ADGRL3: variants seen among roughly 807,000 people sequenced by gnomAD.
The protein encoded by ADGRL3 is adhesion G protein-coupled receptor L3.
Under a neutral mutation model 153.5 loss-of-function variants are expected in ADGRL3, and 62 were observed. That is an observed-to-expected ratio of 0.40 (90% CI 0.33 to 0.50). The LOEUF (loss-of-function observed/expected upper bound fraction) is 0.50. Among genes scored for constraint, ADGRL3 ranks in the 20% least tolerant of loss-of-function variants. The pLI is 0.47. For synonymous variants in ADGRL3, 710 were observed against 672.5 expected, an observed-to-expected ratio of 1.06 and a Z score of -0.86; for missense variants, 1,641 against 1,859.4, an observed-to-expected ratio of 0.88 and a Z score of 2.16.
chr4:61,591,258 A>G (rs1181036031), intron 5 of ADGRL3, among the ~76,000 whole-genome samples: 1 of 152,162 alleles, frequency 6.6e-6, no homozygotes, highest in Non-Finnish European at 1.5e-5. Context: ...GCATTTGTAT[A>G]TACTATATAA....
At chr4:61,764,100 T>TA (rs2152233495) in intron 8 of ADGRL3, among the ~76,000 whole-genome samples, 1 of 152,326 alleles carries the variant, frequency 6.6e-6, no homozygotes, top group East Asian at 1.9e-4. Context: ...TATGTAAATG[T>TA]TCATTTATCT....
intron 1 of ADGRL3, among the ~76,000 whole-genome samples, chr4:61,224,641 A>G (rs1293732737): frequency 6.6e-6 from 1 of 152,226 alleles, no homozygotes; most frequent in Non-Finnish European, 1.5e-5. Context: ...AGGTGCAGAC[A>G]TGAACACACA....
intron 2 of ADGRL3, among the ~76,000 whole-genome samples, chr4:61,436,938 C>T (rs1043922304): frequency 6.6e-6 from 1 of 151,730 alleles, no homozygotes; most frequent in Non-Finnish European, 1.5e-5. Context: ...GATTGATCAG[C>T]CCATAGGTAA....
intron 17 of ADGRL3, among the ~76,000 whole-genome samples, chr4:61,975,289 G>C (rs1371163346): frequency 5.3e-5 from 8 of 152,058 alleles, no homozygotes; most frequent in Admixed American, 5.2e-4. Context: ...GGTGACATTT[G>C]AATAAATAAT....
At chr4:61,543,730 C>T (rs572278794) in intron 4 of ADGRL3, among the ~76,000 whole-genome samples, 3 of 152,266 alleles carry the variant, frequency 2.0e-5, no homozygotes, top group South Asian at 2.1e-4. Flanking sequence ...AAATGCTTCA[C>T]GTTTTTAACC....
At chr4:61,476,259 T>C (rs335330) in intron 2 of ADGRL3, among the ~76,000 whole-genome samples, 143,409 of 152,122 alleles carry the variant, frequency 0.94, 68,181 homozygotes, top group Non-Finnish European at 1. Context: ...GAGAGTCACT[T>C]TGTCGCCCAG....
chr4:61,565,320 A>G (rs1579565564), intron 4 of ADGRL3, among the ~76,000 whole-genome samples: 1 of 152,194 alleles, frequency 6.6e-6, no homozygotes, highest in Non-Finnish European at 1.5e-5. Context: ...GAAAATGTAT[A>G]TATTATTAAT....
At chr4:61,740,603 G>A (rs763726137) in intron 8 of ADGRL3, among the ~76,000 whole-genome samples, 4 of 152,144 alleles carry the variant, frequency 2.6e-5, no homozygotes, top group Non-Finnish European at 5.9e-5. Context: ...ATATTCACGT[G>A]TTTTCCAGTA....
intron 5 of ADGRL3, among the ~76,000 whole-genome samples, chr4:61,647,984 G>A (rs896258780): frequency 1.3e-5 from 2 of 152,028 alleles, no homozygotes; most frequent in South Asian, 2.1e-4. Context: ...GTGGGAAGAC[G>A]TTTTACCTAT....
chr4:61,606,602 T>G (rs1188008057), intron 5 of ADGRL3, among the ~76,000 whole-genome samples: 1 of 152,182 alleles, frequency 6.6e-6, no homozygotes, highest in Non-Finnish European at 1.5e-5. Flanking sequence ...ATGACCTTAT[T>G]TAACCTCGTT....
At chr4:61,786,877 TA>T (rs528917063) in intron 8 of ADGRL3, among the ~76,000 whole-genome samples, 7 of 152,176 alleles carry the variant, frequency 4.6e-5, no homozygotes, top group East Asian at 3.9e-4. Flanking sequence ...ATAGTGGCAA[TA>T]AAAAAATAGA....
intron 1 of ADGRL3, among the ~76,000 whole-genome samples, chr4:61,310,732 G>T (rs990393254): frequency 2.1e-5 from 3 of 145,854 alleles, no homozygotes; most frequent in Non-Finnish European, 3.0e-5. Context: ...TGTAAGATCA[G>T]TTTTTTTTTT....
chr4:61,564,651 C>T lies in ADGRL3; in HGVS notation c.260-22576C>T, dbSNP rs566913979. ...CCTTTACATTCACAACTTGACTGCT[C>T]TTTGACATAGAAGGCCTAGCTTTTG... On this transcript the variant is annotated intron_variant, in intron 4 of 26. Coordinates refer to ENST00000683033, the MANE Select transcript of ADGRL3 (RefSeq NM_001387552.1). 3.9e-5 allele frequency among the ~76,000 whole-genome samples: 6 copies of T among 152,314 alleles called. No homozygotes were observed. In the South Asian group the frequency reaches 6.2e-4, roughly 16 times the overall value.
At chr4:61,815,770 G>A (rs2097681515) in intron 9 of ADGRL3, among the ~76,000 whole-genome samples, 1 of 152,188 alleles carries the variant, frequency 6.6e-6, no homozygotes, top group Non-Finnish European at 1.5e-5. Context: ...AGGCCTAGAG[G>A]AAACTAGGTA....
intron 14 of ADGRL3, 56 bp from the exon 15 acceptor site, chr4:61,935,867 T>C (rs1280214323): frequency 9.4e-6 from 14 of 1,490,980 alleles, no homozygotes. Context: ...TTTAGGAAAT[T>C]ATTGTAGCTT....
intron 8 of ADGRL3, among the ~76,000 whole-genome samples, chr4:61,760,944 G>T (rs1238714830): frequency 6.6e-6 from 1 of 152,188 alleles, no homozygotes; most frequent in African/African-American, 2.4e-5. Flanking sequence ...TTCTAAGGAC[G>T]ACTTGGTGGG....
At chr4:61,466,046 C>T (rs1041940578) in intron 2 of ADGRL3, among the ~76,000 whole-genome samples, 3 of 151,802 alleles carry the variant, frequency 2.0e-5, no homozygotes, top group African/African-American at 7.2e-5. Context: ...CACTTGAACT[C>T]GGGAGGCGGA....
intron 8 of ADGRL3, among the ~76,000 whole-genome samples, chr4:61,755,978 T>A (rs1045157997): frequency 6.6e-6 from 1 of 152,198 alleles, no homozygotes; most frequent in Admixed American, 6.5e-5. Context: ...CATTGATCTA[T>A]ATCTCTGTTT....
chr4:61,983,247 TA>T, intron 18 of ADGRL3, 135 bp from the exon 19 acceptor site: 1 of 635,160 alleles, frequency 1.6e-6, no homozygotes, highest in Admixed American at 3.0e-5. Flanking sequence ...ATCTGTGTTT[TA>T]AGAATCTTCC....
Sources: gnomAD v4.1 joint callset for allele counts (sites outside exome capture counted in the v4.1 genomes callset) on GRCh38, gnomAD v4.1.1 for gene constraint, MANE v1.5 for transcripts, NCBI Gene and HGNC (gene_info 2026-07-23, HGNC 2026-07-21) for gene names.